Variants in JAK1 observed in about 807,000 individuals in gnomAD.
JAK1 encodes Janus kinase 1, also known as tyrosine-protein kinase JAK1.
In JAK1, 16 loss-of-function variants were observed where a neutral mutation model predicts 136.6. The observed-to-expected ratio is 0.12, with a 90% CI of 0.08 to 0.18. The LOEUF (loss-of-function observed/expected upper bound fraction) is 0.18. Among genes scored for constraint, JAK1 ranks in the 10% least tolerant of loss-of-function variants. The pLI, the probability that JAK1 is intolerant of heterozygous loss-of-function variation, is 1.00. For synonymous variants in JAK1, 492 were observed against 519.5 expected (o/e 0.95, Z 0.72); for missense variants, 859 against 1,450.1 (o/e 0.59, Z 6.62).
chr1:64,846,748 C>T lies in JAK1; in HGVS notation c.1900-12G>A, dbSNP rs763056618. On this transcript the variant is annotated splice_polypyrimidine_tract_variant and intron_variant, in intron 13 of 24. Coordinates refer to ENST00000342505, the MANE Select transcript of JAK1 (RefSeq NM_002227.4). ...GCCTCGAAGAAGGCCTGTGGGCGAG[C>T]AGGACATAGGAATGTCTCAGGCCAG... 3 of 1,610,304 alleles carry T rather than the reference C, an allele frequency of 1.9e-6. No individual in the cohort carries two copies. Among genetic ancestry groups the T allele is most frequent in the Admixed American group, 1.7e-5 (1 of 59,946 alleles).
intron 1 of JAK1, among the ~76,000 whole-genome samples, chr1:65,046,373 C>T (rs1338265429): frequency 3.9e-5 from 6 of 152,280 alleles, no homozygotes; most frequent in South Asian, 2.1e-4. Flanking sequence ...GGATGGAAAA[C>T]GGCTGGAAAG....
At chr1:65,067,228 G>A (rs1451476585) in intron 1 of JAK1, among the ~76,000 whole-genome samples, 2 of 150,630 alleles carry the variant, frequency 1.3e-5, no homozygotes, top group Admixed American at 6.6e-5. Context: ...GGAGGCTGAA[G>A]GCAGGCGCTA....
intron 17 of JAK1, among the ~76,000 whole-genome samples, chr1:64,843,084 C>T (rs559247085): frequency 1.2e-3 from 190 of 152,256 alleles, no homozygotes; most frequent in African/African-American, 4.4e-3. Flanking sequence ...CCAAATCCTT[C>T]CTTGTCCCAT....
chr1:64,942,643 T>C (rs556296143), intron 1 of JAK1, among the ~76,000 whole-genome samples: 1 of 152,344 alleles, frequency 6.6e-6, no homozygotes, highest in South Asian at 2.1e-4. Flanking sequence ...TGTAACAATT[T>C]AGCATGTTCT....
At chr1:65,003,321 C>T (rs1355610191) in intron 2 of JAK1, 6 of 152,056 alleles carry the variant, frequency 3.9e-5, no homozygotes, top group Non-Finnish European at 2.9e-5. Flanking sequence ...CCCGCCAGGT[C>T]TAGGTTGGCG....
chr1:65,033,043 AC>A (rs1485043523), intron 2 of JAK1, among the ~76,000 whole-genome samples: 1 of 152,140 alleles, frequency 6.6e-6, no homozygotes, highest in Non-Finnish European at 1.5e-5. Context: ...CCTACCCTTT[AC>A]CCTTAATCCT....
intron 1 of JAK1, chr1:64,941,898 G>A (rs1354771130): frequency 6.6e-6 from 1 of 152,186 alleles, no homozygotes. Context: ...TTACACTACA[G>A]ATCCCCAGAG....
intron 1 of JAK1, among the ~76,000 whole-genome samples, chr1:64,893,450 C>T (rs1644969293): frequency 6.6e-6 from 1 of 152,184 alleles, no homozygotes; most frequent in Admixed American, 6.5e-5. Flanking sequence ...AGTTAAAAGC[C>T]TGCTCTTGGA....
intron 5 of JAK1, among the ~76,000 whole-genome samples, chr1:64,869,882 G>A (rs72556518): frequency 1.3e-5 from 2 of 152,198 alleles, no homozygotes; most frequent in Non-Finnish European, 2.9e-5. Context: ...TGGGTGTACA[G>A]AGTTGATGGG....
intron 1 of JAK1, among the ~76,000 whole-genome samples, chr1:65,061,353 C>G (rs1647783942): frequency 6.6e-6 from 1 of 152,082 alleles, no homozygotes; most frequent in Non-Finnish European, 1.5e-5. Context: ...CATGACTGCA[C>G]CACTACACTC....
chr1:65,002,751 G>A (rs991639806), intron 2 of JAK1, among the ~76,000 whole-genome samples: 1 of 152,190 alleles, frequency 6.6e-6, no homozygotes, highest in Middle Eastern at 3.2e-3. Context: ...TACCGAAAGC[G>A]CGAGCCCGGA....
chr1:65,016,276 A>T (rs1646891396), intron 2 of JAK1, among the ~76,000 whole-genome samples: 1 of 152,184 alleles, frequency 6.6e-6, no homozygotes, highest in Non-Finnish European at 1.5e-5. Flanking sequence ...TAGCGATGGT[A>T]GTTGTATAAC....
chr1:64,908,612 T>G (rs1645229729), intron 1 of JAK1, among the ~76,000 whole-genome samples: 2 of 152,148 alleles, frequency 1.3e-5, no homozygotes, highest in Admixed American at 1.3e-4. Context: ...TTTTATTCCT[T>G]TTACTAGTAA....
intron 8 of JAK1, among the ~76,000 whole-genome samples, chr1:64,860,665 G>A (rs1160098022): frequency 6.6e-6 from 1 of 151,988 alleles, no homozygotes; most frequent in African/African-American, 2.4e-5. Flanking sequence ...TGTTGGCCAG[G>A]CTGGTCTTGA....
chr1:65,042,329 C>T (rs75247915), intron 2 of JAK1, among the ~76,000 whole-genome samples: 31,500 of 151,844 alleles, frequency 0.21, 3,636 homozygotes, highest in African/African-American at 0.3. Context: ...GAACCAATCT[C>T]CCTCAGATAC....
chr1:65,001,320 G>A (rs1010131677), intron 2 of JAK1, among the ~76,000 whole-genome samples: 1 of 152,154 alleles, frequency 6.6e-6, no homozygotes, highest in Non-Finnish European at 1.5e-5. Flanking sequence ...TACCAAAAGG[G>A]GCCCAGCCTC....
At chr1:65,067,134 G>GAGGCC (rs978699956) in intron 1 of JAK1, among the ~76,000 whole-genome samples, 12 of 151,816 alleles carry the variant, frequency 7.9e-5, no homozygotes, top group Non-Finnish European at 1.5e-4. Flanking sequence ...CCGGAGTGCG[G>GAGGCC]AGGCCCGGCC....
intron 1 of JAK1, among the ~76,000 whole-genome samples, chr1:64,959,861 C>T (rs199969100): frequency 9.5e-4 from 144 of 152,216 alleles, no homozygotes; most frequent in African/African-American, 3.4e-3. Flanking sequence ...GTGGCATCTT[C>T]CCTACTATGT....
intron 2 of JAK1, among the ~76,000 whole-genome samples, chr1:65,014,633 C>A (rs1646877182): frequency 6.6e-6 from 1 of 151,472 alleles, no homozygotes; most frequent in Non-Finnish European, 1.5e-5. Flanking sequence ...AATGACAATA[C>A]AATAACACAC....
Sources: gnomAD v4.1 joint callset for allele counts (sites outside exome capture counted in the v4.1 genomes callset) on GRCh38, gnomAD v4.1.1 for gene constraint, MANE v1.5 for transcripts, NCBI Gene and HGNC (gene_info 2026-07-23, HGNC 2026-07-21) for gene names.